F10: variants seen among roughly 807,000 people sequenced by gnomAD.
F10 encodes the protein Stuart-Prower factor.
A neutral mutation model predicts 37.1 loss-of-function variants in F10; 29 were observed. The ratio of observed to expected loss-of-function variants is 0.78; its 90% CI spans 0.58 to 1.07. F10 has a LOEUF of 1.07. Ranked by LOEUF, F10 falls within the 50% of genes least tolerant of loss-of-function variation. The pLI is 0.00. For missense variants in F10, 539 were observed against 667.9 expected (o/e 0.81, Z 2.13); for synonymous variants, 262 against 268.6 (o/e 0.98, Z 0.24).
chr13:113,137,825 T>C (rs769065833), intron 2 of F10, among the ~76,000 whole-genome samples: 8 of 152,216 alleles, frequency 5.3e-5, no homozygotes, highest in Non-Finnish European at 1.2e-4. Flanking sequence ...TTCTCCTTTA[T>C]TTAGGGCCCA....
intron 1 of F10, 103 bp from the exon 2 acceptor site, chr13:113,129,349 T>C: frequency 3.4e-6 from 5 of 1,453,270 alleles, no homozygotes; most frequent in Non-Finnish European, 4.8e-6. Flanking sequence ...CCGCCTTTTG[T>C]GATCTGGATA....
At position 113,149,120 on chromosome 13, in the gene F10, A is replaced by T; in HGVS notation, c.1070A>T (p.Lys357Met). 1 of 1,613,068 alleles carries T rather than the reference A, an allele frequency of 6.2e-7. No individual in the cohort carries two copies. Among genetic ancestry groups the T allele is most frequent in the Middle Eastern group, 1.6e-4 (1 of 6,062 alleles). ...GCCGAGTCCACGCTGATGACGCAGA[A>T]GACGGGGATTGTGAGCGGCTTCGGG... is the stretch of plus-strand genomic sequence containing the variant. Reference protein sequence around the residue: ...DWAESTLMTQKTGIVSGFGRT... With the variant: ...DWAESTLMTQMTGIVSGFGRT... The change falls in exon 8 of 8, where the codon AAG (lysine) becomes ATG (methionine). Residue 357 changes from lysine (K) to methionine (M), a missense_variant. Physicochemically the swap from Lys to Met is moderately conservative, Grantham distance 95. Around this residue, in one of 2 missense-constraint regions of F10, gnomAD observed 409 missense variants for 547.9 expected, o/e 0.75. Transcript: ENST00000375559. The surrounding 1 kb of genome is among the most constrained non-coding windows in gnomAD (Gnocchi z 7.5).
chr13:113,134,447 G>A (rs2036460540), intron 2 of F10, among the ~76,000 whole-genome samples: 3 of 152,198 alleles, frequency 2.0e-5, no homozygotes, highest in African/African-American at 7.2e-5. Context: ...TCACATGGCT[G>A]TAGGAGGGAG....
Position 113,138,613 on chromosome 13 carries a change from G to A in F10, c.256+132G>A, listed in dbSNP as rs1030709479. ...CATTTAAGACTTTTTCCCTCAGGGT[G>A]TTTCCATAATAGTTATTGTAAAAGA... On this transcript the variant is annotated intron_variant, in intron 3 of 7. Coordinates refer to ENST00000375559, the MANE Select transcript of F10 (RefSeq NM_000504.4). 4.0e-5 allele frequency: 26 copies of A among 654,916 alleles called. No individual in the cohort carries two copies. In the Admixed American group the frequency reaches 4.8e-4, roughly 12 times the overall value. 40.6% of individuals were successfully genotyped at this position (654,916 alleles called of 1,614,324 possible).
At chr13:113,125,661 G>A (rs1053746907) in intron 1 of F10, among the ~76,000 whole-genome samples, 7 of 152,246 alleles carry the variant, frequency 4.6e-5, no homozygotes, top group African/African-American at 1.7e-4. Context: ...TGCTCAGTCT[G>A]ACTGAAGCGT....
rs139787905 is a variant in F10 at position 113,134,374 on chromosome 13, A to G, written c.232-4083A>G. Among the ~76,000 whole-genome samples, 17 of 152,344 alleles carry G rather than the reference A, an allele frequency of 1.1e-4. No individual in the cohort carries two copies. In the East Asian group the frequency reaches 2.1e-3, roughly 19 times the overall value. ...AAAGGTTTAATTGACTCAGTTCTAC[A>G]TGTCTAAGGAGACCTCAGTAAACTT... On this transcript the variant is annotated intron_variant, in intron 2 of 7. Coordinates refer to ENST00000375559, the MANE Select transcript of F10 (RefSeq NM_000504.4).
intron 1 of F10, among the ~76,000 whole-genome samples, 175 bp from the exon 2 acceptor site, chr13:113,129,276 AG>A (rs141360171): frequency 0.014 from 2,083 of 152,256 alleles, 29 homozygotes; most frequent in African/African-American, 0.048. Context: ...CTTGGCAGAG[AG>A]GACGGGTCCA....
chr13:113,148,330 C>CAAA (rs780002275), intron 7 of F10, among the ~76,000 whole-genome samples: 1,601 of 90,754 alleles, frequency 0.018, 26 homozygotes, highest in South Asian at 0.053. Context: ...AACTCTGTCT[C>CAAA]AAAAAAAAAA....
At position 113,137,176 on chromosome 13, in the gene F10, C is replaced by G. The variant is rs989879810; in HGVS notation, c.232-1281C>G. On this transcript the variant is annotated intron_variant, in intron 2 of 7. Coordinates refer to ENST00000375559, the MANE Select transcript of F10 (RefSeq NM_000504.4). ...ACAATATAACAGTTGTCAGCAACAACAAGTAAGAAAGTATTGATACAACTT... is the reference window on the plus strand; with the variant it reads ...ACAATATAACAGTTGTCAGCAACAAGAAGTAAGAAAGTATTGATACAACTT... Among the ~76,000 whole-genome samples the G allele has an allele frequency of 5.3e-5, 8 of 152,274 alleles. No homozygotes were observed. In the Middle Eastern group the frequency reaches 0.014, roughly 259 times the overall value.
rs567922818 is a variant in F10, at chr13:113,146,484, G to C, written c.748-895G>C. Among the ~76,000 whole-genome samples the C allele has an allele frequency of 6.6e-6, 1 of 152,320 alleles. No homozygotes were observed. The highest frequency in any genetic ancestry group is 6.5e-5 in the Admixed American group (1 of 15,300). ...TGGAGGGGCCCTCGCCCAGCCTGTTGAGGTTTGCGATTCTTGTTTCCTGGT... is the reference window on the plus strand; with the variant it reads ...TGGAGGGGCCCTCGCCCAGCCTGTTCAGGTTTGCGATTCTTGTTTCCTGGT... On this transcript the variant is annotated intron_variant, in intron 6 of 7. Coordinates refer to ENST00000375559, the MANE Select transcript of F10 (RefSeq NM_000504.4). The surrounding 1 kb of genome is among the most constrained non-coding windows in gnomAD (Gnocchi z 4.5).
chr13:113,128,886 G>GAAAAAAAAAAAAAAAAAAAA lies in F10; in HGVS notation c.71-560_71-541dup, dbSNP rs778396585. 2 of 44,816 alleles carry GAAAAAAAAAAAAAAAAAAAA rather than the reference G, an allele frequency of 4.5e-5. 1 individual carries two copies. Among genetic ancestry groups the GAAAAAAAAAAAAAAAAAAAA allele is most frequent in the Non-Finnish European group, 8.9e-5 (2 of 22,374 alleles). The allele number at this position is 44,816 out of a possible 1,614,324, so 2.8% of individuals were successfully genotyped here. A position where few individuals can be genotyped will look rare whatever the true frequency, so the allele number is the denominator to read the frequency against. On this transcript the variant is annotated intron_variant, in intron 1 of 7. Coordinates refer to ENST00000375559, the MANE Select transcript of F10 (RefSeq NM_000504.4). Reference sequence around the variant, plus strand: ...ACAGAGCAAAACACCATCTTAAAGAGAAAAAAAAAAAAAAAAAAAAAAAAA... The same window carrying GAAAAAAAAAAAAAAAAAAAA: ...ACAGAGCAAAACACCATCTTAAAGAGAAAAAAAAAAAAAAAAAAAAAAAAAAAAAAAAAAAAAAAAAAAAA...
intron 6 of F10, among the ~76,000 whole-genome samples, chr13:113,145,870 C>T (rs748113537): frequency 2.0e-5 from 3 of 152,218 alleles, no homozygotes; most frequent in Admixed American, 6.5e-5. Flanking sequence ...CCACAACACA[C>T]GGGAAATATG....
intron 1 of F10, among the ~76,000 whole-genome samples, chr13:113,125,785 C>T (rs947899283): frequency 5.3e-5 from 8 of 152,234 alleles, no homozygotes; most frequent in Non-Finnish European, 8.8e-5. Flanking sequence ...AAGTTCCGGC[C>T]GTGCTAGGCA....
Position 113,139,540 on chromosome 13 carries a change from A to T in F10, c.370+70A>T. 1.7e-6 allele frequency: 2 copies of T among 1,152,808 alleles called. No individual in the cohort carries two copies. Among genetic ancestry groups the T allele is most frequent in the Non-Finnish European group, 2.6e-6 (2 of 767,792 alleles). The allele number at this position is 1,152,808 out of a possible 1,614,324, so 71.4% of individuals were successfully genotyped here. A position where few individuals can be genotyped will look rare whatever the true frequency, so the allele number is the denominator to read the frequency against. On this transcript the variant is annotated intron_variant, in intron 4 of 7. Coordinates refer to ENST00000375559, the MANE Select transcript of F10 (RefSeq NM_000504.4). This position sits in a 1 kb window ranked among gnomAD's most constrained non-coding sequence, Gnocchi z 5.2. ...AGAGTGGCAGGTGGGCGGGGGAAGA[A>T]GTGAAAACGCCTAATGAAACAATCT...
At chr13:113,125,430 C>T (rs1323595533) in intron 1 of F10, among the ~76,000 whole-genome samples, 1 of 152,222 alleles carries the variant, frequency 6.6e-6, no homozygotes, top group Non-Finnish European at 1.5e-5. Context: ...GCCAAAACAA[C>T]AAACACAACT....
At chr13:113,142,233 T>C (rs1388872558) in intron 5 of F10, among the ~76,000 whole-genome samples, 1 of 152,116 alleles carries the variant, frequency 6.6e-6, no homozygotes, top group African/African-American at 2.4e-5. Flanking sequence ...CTAGAAACAA[T>C]CACAAATCCA....
In F10 at chr13:113,141,230, A is replaced by G. The variant is rs554679286; in HGVS notation, c.502+180A>G. Among the ~76,000 whole-genome samples, 9 of 152,324 alleles carry G rather than the reference A, an allele frequency of 5.9e-5. No individual in the cohort carries two copies. The South Asian group carries it at 1.9e-3, about 32-fold the overall frequency. ...CCCAGGTGGTTCAAACATGAAGACC[A>G]TGAGGTTTGGAAACAGACCCATTAT... On this transcript the variant is annotated intron_variant, in intron 5 of 7. Coordinates refer to ENST00000375559, the MANE Select transcript of F10 (RefSeq NM_000504.4). The surrounding 1 kb of genome is among the most constrained non-coding windows in gnomAD (Gnocchi z 5.4).
rs562748273 is a variant in F10, at chr13:113,141,007, C to A, written c.459C>A (p.Arg153=). 9 of 1,614,092 alleles carry A rather than the reference C, an allele frequency of 5.6e-6. No homozygotes were observed. In the African/African-American group the frequency reaches 8.0e-5, roughly 14 times the overall value. ...EQNSVVCSCA[R]GYTLADNGKA... ...ACTCTGTGGTGTGCTCCTGCGCCCG[C>A]GGGTACACCCTGGCTGACAACGGCA... Residue 153 remains arginine, a synonymous_variant, in exon 5 of 8, where the codon CGC becomes CGA. Coordinates refer to ENST00000375559, the MANE Select transcript of F10 (RefSeq NM_000504.4). This position sits in a 1 kb window ranked among gnomAD's most constrained non-coding sequence, Gnocchi z 5.4.
rs558203497 is a variant in F10 at position 113,141,665 on chromosome 13, G to C, written c.502+615G>C. Among the ~76,000 whole-genome samples, 1 of 152,336 alleles carries C rather than the reference G, an allele frequency of 6.6e-6. No homozygotes were observed. Among genetic ancestry groups the C allele is most frequent in the South Asian group, 2.1e-4 (1 of 4,830 alleles). ...GAGCCTCCCTGTCCTGACCCCGTGG[G>C]CATTGCCTACGCTGGGCTTGCCTGG... On this transcript the variant is annotated intron_variant, in intron 5 of 7. Transcript: ENST00000375559. The surrounding 1 kb of genome is among the most constrained non-coding windows in gnomAD (Gnocchi z 5.4).
Sources: allele counts gnomAD v4.1 joint callset (sites outside exome capture counted in the v4.1 genomes callset), GRCh38; gene constraint gnomAD v4.1.1; regional missense constraint gnomAD v4.1.1; non-coding constraint Gnocchi (gnomAD v3.1); transcripts MANE v1.5; gene names NCBI Gene and HGNC (gene_info 2026-07-23, HGNC 2026-07-21).